Variants in CSGALNACT1 observed in about 807,000 individuals in gnomAD.
CSGALNACT1 encodes chondroitin sulfate N-acetylgalactosaminyltransferase 1.
Under a neutral mutation model 51.0 loss-of-function variants are expected in CSGALNACT1, and 52 were observed. That is an observed-to-expected ratio of 1.02 (90% confidence interval 0.82 to 1.29). The LOEUF (loss-of-function observed/expected upper bound fraction) is 1.29. Ranked by LOEUF, CSGALNACT1 falls within the 50% of genes most tolerant of loss-of-function variation. The pLI is 0.00. For synonymous variants in CSGALNACT1, 341 were observed against 254.4 expected (o/e 1.34, Z -3.24); for missense variants, 935 against 679.2 (o/e 1.38, Z -4.19).
intron 6 of CSGALNACT1, among the ~76,000 whole-genome samples, chr8:19,437,548 A>G (rs1415380297): frequency 6.6e-6 from 1 of 152,318 alleles, no homozygotes; most frequent in East Asian, 1.9e-4. Context: ...CATGGCCCAA[A>G]GCATCAGTGA....
intron 3 of CSGALNACT1, among the ~76,000 whole-genome samples, chr8:19,513,691 C>A (rs1402779266): frequency 6.6e-6 from 1 of 151,838 alleles, no homozygotes; most frequent in African/African-American, 2.4e-5. Flanking sequence ...AGATGGTAGA[C>A]CTACCGCACA....
chr8:19,684,467 A>G (rs998622652), upstream of CSGALNACT1, among the ~76,000 whole-genome samples: 2 of 152,212 alleles, frequency 1.3e-5, no homozygotes, highest in Non-Finnish European at 2.9e-5. Context: ...ATTTTATACT[A>G]TCTTGCAGTG....
chr8:19,564,250 T>G (rs1236342407), intron 3 of CSGALNACT1, among the ~76,000 whole-genome samples: 1 of 152,220 alleles, frequency 6.6e-6, no homozygotes, highest in African/African-American at 2.4e-5. Context: ...TTCTACTTTT[T>G]CAATATCCTG....
intron 1 of CSGALNACT1, among the ~76,000 whole-genome samples, chr8:19,751,247 G>T (rs2065008410): frequency 6.6e-6 from 1 of 152,114 alleles, no homozygotes; most frequent in African/African-American, 2.4e-5. Flanking sequence ...ACCTTGACTT[G>T]CTTCCTAAAT....
At chr8:19,439,779 T>C in intron 6 of CSGALNACT1, 51 bp downstream of exon 5, 2 of 1,397,440 alleles carry the variant, frequency 1.4e-6, no homozygotes, top group Non-Finnish European at 2.0e-6. Context: ...GGATGTGTGC[T>C]TCTGAGCTCA....
intron 2 of CSGALNACT1, among the ~76,000 whole-genome samples, chr8:19,596,115 G>T (rs945856806): frequency 6.6e-6 from 1 of 152,044 alleles, no homozygotes; most frequent in Non-Finnish European, 1.5e-5. Context: ...CAATTTGTCT[G>T]CCTTGGCCTT....
chr8:19,751,665 G>T (rs1032449520), intron 1 of CSGALNACT1, among the ~76,000 whole-genome samples: 15 of 152,134 alleles, frequency 9.9e-5, no homozygotes, highest in Admixed American at 9.8e-4. Context: ...GGAAGGAGGG[G>T]CCTTGTGGGA....
chr8:19,460,238 T>A (rs895626140), intron 4 of CSGALNACT1, among the ~76,000 whole-genome samples: 3 of 152,032 alleles, frequency 2.0e-5, no homozygotes, highest in Non-Finnish European at 4.4e-5. Context: ...CTTTTGAGAG[T>A]GAGAGAGAAT....
upstream of CSGALNACT1, among the ~76,000 whole-genome samples, chr8:19,685,275 A>G (rs1245873407): frequency 6.6e-6 from 1 of 152,196 alleles, no homozygotes; most frequent in Non-Finnish European, 1.5e-5. Context: ...ATGAGCACAT[A>G]AGGCAGTTAT....
At chr8:19,509,876 G>A (rs899695151) in intron 3 of CSGALNACT1, among the ~76,000 whole-genome samples, 1 of 152,138 alleles carries the variant, frequency 6.6e-6, no homozygotes, top group South Asian at 2.1e-4. Context: ...ACAGCTTTAT[G>A]TGATCACAGC....
At chr8:19,662,314 G>A (rs976333520) in intron 1 of CSGALNACT1, among the ~76,000 whole-genome samples, 6 of 151,708 alleles carry the variant, frequency 4.0e-5, no homozygotes, top group Non-Finnish European at 7.4e-5. Flanking sequence ...CCCAGAGGCA[G>A]AGGTTGCAGT....
At chr8:19,450,814 G>T (rs574605269) in intron 5 of CSGALNACT1, among the ~76,000 whole-genome samples, 5 of 152,170 alleles carry the variant, frequency 3.3e-5, no homozygotes, top group South Asian at 2.1e-4. Context: ...GGAGTCTGAG[G>T]GGGGAGGATC....
At chr8:19,495,361 T>C (rs1484049272) in intron 4 of CSGALNACT1, among the ~76,000 whole-genome samples, 1 of 152,202 alleles carries the variant, frequency 6.6e-6, no homozygotes, top group Non-Finnish European at 1.5e-5. Context: ...AGAAACAATA[T>C]TGTCTGTTGT....
chr8:19,619,723 CAAT>C (rs2053573227), intron 1 of CSGALNACT1, among the ~76,000 whole-genome samples: 1 of 152,120 alleles, frequency 6.6e-6, no homozygotes, highest in African/African-American at 2.4e-5. Context: ...ATTCGTGTCA[CAAT>C]AACAAAACAG....
At chr8:19,646,813 A>C (rs1255679132) in intron 1 of CSGALNACT1, among the ~76,000 whole-genome samples, 10 of 152,194 alleles carry the variant, frequency 6.6e-5, no homozygotes, top group Non-Finnish European at 8.8e-5. Context: ...CCTACTGTGA[A>C]GCTTACCACC....
At position 19,644,618 on chromosome 8, in the gene CSGALNACT1, G is replaced by A. The variant is rs370952223; in HGVS notation, c.-544+37855C>T. ...CCAGCTACTTGGGAGACTGAGACAG[G>A]AGAATTGCTTGAACCCGGGAGGCAG... On this transcript the variant is annotated intron_variant, in intron 1 of 9. Coordinates refer to the CSGALNACT1 transcript ENST00000332246. Among the ~76,000 whole-genome samples, 22 of 146,492 alleles carry A rather than the reference G, an allele frequency of 1.5e-4. 1 individual carries two copies. Among genetic ancestry groups the A allele is most frequent in the African/African-American group, 5.5e-4 (22 of 39,660 alleles).
upstream of CSGALNACT1, chr8:19,682,810 C>G: frequency 2.2e-6 from 1 of 450,700 alleles, no homozygotes; most frequent in Admixed American, 2.4e-5. Flanking sequence ...CCGGCCAGCA[C>G]AGATAACACT....
intron 1 of CSGALNACT1, among the ~76,000 whole-genome samples, chr8:19,673,389 T>C (rs1306749076): frequency 6.6e-6 from 1 of 152,214 alleles, no homozygotes; most frequent in Non-Finnish European, 1.5e-5. Flanking sequence ...TGTAGATGCA[T>C]GCGACAGCTC....
chr8:19,739,954 C>T (rs193174159), intron 1 of CSGALNACT1, among the ~76,000 whole-genome samples: 140 of 152,342 alleles, frequency 9.2e-4, no homozygotes, highest in African/African-American at 3.2e-3. Flanking sequence ...CCAGCAGATA[C>T]TCAAACCAAT....
Sources: allele counts gnomAD v4.1 joint callset (sites outside exome capture counted in the v4.1 genomes callset), GRCh38; gene constraint gnomAD v4.1.1; transcripts MANE v1.5; gene names NCBI Gene and HGNC (gene_info 2026-07-23, HGNC 2026-07-21).